The following SGCZ variants were observed in gnomAD, a reference collection of about 807,000 sequenced individuals.
SGCZ encodes zeta-sarcoglycan.
A neutral mutation model predicts 41.3 loss-of-function variants in SGCZ; 40 were observed. The observed-to-expected ratio is 0.97, with a 90% CI of 0.75 to 1.26. SGCZ has a LOEUF of 1.26. Ranked by LOEUF, SGCZ falls within the 50% of genes most tolerant of loss-of-function variation. The pLI is 0.00. For synonymous variants in SGCZ, 206 were observed against 137.5 expected (o/e 1.50, Z -3.49); for missense variants, 552 against 369.8 (o/e 1.49, Z -4.04).
At chr8:14,227,253 T>C (rs185942729) in intron 4 of SGCZ, among the ~76,000 whole-genome samples, 23 of 152,174 alleles carry the variant, frequency 1.5e-4, no homozygotes, top group African/African-American at 5.3e-4. Flanking sequence ...AATGTAAGAA[T>C]GCAAACAGTT....
At chr8:15,059,208 A>C (rs1267231581) in intron 1 of SGCZ, among the ~76,000 whole-genome samples, 1 of 152,160 alleles carries the variant, frequency 6.6e-6, no homozygotes, top group Non-Finnish European at 1.5e-5. Context: ...AATTTACAAA[A>C]TATTTTTATT....
At chr8:14,536,310 C>T (rs1037308288) in intron 2 of SGCZ, among the ~76,000 whole-genome samples, 15 of 151,646 alleles carry the variant, frequency 9.9e-5, no homozygotes, top group South Asian at 2.1e-4. Context: ...TATTAAATTA[C>T]GCTCAAAATT....
intron 3 of SGCZ, among the ~76,000 whole-genome samples, chr8:14,303,047 G>C (rs542197008): frequency 5.9e-5 from 9 of 152,204 alleles, no homozygotes; most frequent in African/African-American, 1.9e-4. Context: ...CATCTTACAA[G>C]ACCCAGGTCT....
chr8:14,972,171 A>T (rs1226893901), intron 1 of SGCZ, among the ~76,000 whole-genome samples: 2 of 152,088 alleles, frequency 1.3e-5, no homozygotes, highest in Non-Finnish European at 2.9e-5. Flanking sequence ...TGCCTTTCAA[A>T]TTTTTAAATT....
intron 1 of SGCZ, among the ~76,000 whole-genome samples, chr8:14,702,789 A>G (rs1287405116): frequency 7.0e-5 from 10 of 142,378 alleles, no homozygotes; most frequent in African/African-American, 1.5e-4. Flanking sequence ...AGACAGACAG[A>G]CAGGCAGACA....
At chr8:14,225,251 G>A (rs1165376291) in intron 4 of SGCZ, among the ~76,000 whole-genome samples, 5 of 152,024 alleles carry the variant, frequency 3.3e-5, no homozygotes, top group Non-Finnish European at 7.4e-5. Context: ...CCTATTTAAT[G>A]TTGTACCCCC....
In SGCZ at chr8:14,644,115, G is replaced by A. The variant is rs938094022; in HGVS notation, c.40-89189C>T. Among the ~76,000 whole-genome samples the A allele has an allele frequency of 4.6e-5, 7 of 151,804 alleles. No homozygotes were observed. In the Admixed American group the frequency reaches 4.6e-4, roughly 10 times the overall value. On this transcript the variant is annotated intron_variant, in intron 1 of 7. Transcript: ENST00000382080. ...ACCTATCAATATTTTCTTACCTATT[G>A]TGATGGTTAATGTTATTTCTCCACT...
At chr8:14,874,108 A>T (rs1025352508) in intron 1 of SGCZ, among the ~76,000 whole-genome samples, 2 of 152,166 alleles carry the variant, frequency 1.3e-5, no homozygotes, top group Middle Eastern at 3.2e-3. Flanking sequence ...TTATACTTTA[A>T]TTGAAACTGC....
At chr8:14,814,736 C>A (rs368168320) in intron 1 of SGCZ, among the ~76,000 whole-genome samples, 58 of 152,140 alleles carry the variant, frequency 3.8e-4, no homozygotes, top group African/African-American at 1.3e-3. Flanking sequence ...ATCACCAAAT[C>A]TCATCATTTC....
At chr8:14,490,418 A>G (rs1801809560) in intron 2 of SGCZ, among the ~76,000 whole-genome samples, 1 of 152,186 alleles carries the variant, frequency 6.6e-6, no homozygotes, top group Non-Finnish European at 1.5e-5. Context: ...TTTTCTGCCT[A>G]GGAAATACCA....
chr8:14,706,845 G>T (rs565614555), intron 1 of SGCZ, among the ~76,000 whole-genome samples: 1 of 151,848 alleles, frequency 6.6e-6, no homozygotes, highest in Non-Finnish European at 1.5e-5. Flanking sequence ...ACCAGCTGAC[G>T]GTTAGTTTGA....
At chr8:14,520,890 T>C (rs1055446011) in intron 2 of SGCZ, among the ~76,000 whole-genome samples, 20 of 152,190 alleles carry the variant, frequency 1.3e-4, no homozygotes, top group African/African-American at 4.6e-4. Context: ...ATCAACGTTA[T>C]ATAACAAGCA....
intron 5 of SGCZ, among the ~76,000 whole-genome samples, chr8:14,164,378 C>A (rs1804140920): frequency 1.3e-5 from 2 of 152,100 alleles, no homozygotes; most frequent in Non-Finnish European, 2.9e-5. Flanking sequence ...ACTTTTATGT[C>A]ATTGAGGCTG....
Position 14,396,323 on chromosome 8 carries a change from T to C in SGCZ, c.235-72119A>G, listed in dbSNP as rs138093183. 3.3e-5 allele frequency among the ~76,000 whole-genome samples: 5 copies of C among 150,898 alleles called. No individual in the cohort carries two copies. In the East Asian group the frequency reaches 9.7e-4, roughly 29 times the overall value. ...ATTCTTGTAATATTTCCCTTTATTG[T>C]TCTAACTTCTTATTGCCACTAATAT... On this transcript the variant is annotated intron_variant, in intron 2 of 7. Transcript: ENST00000382080.
At chr8:14,397,390 A>G (rs1798949016) in intron 2 of SGCZ, among the ~76,000 whole-genome samples, 1 of 152,136 alleles carries the variant, frequency 6.6e-6, no homozygotes, top group African/African-American at 2.4e-5. Context: ...GGTATTCACC[A>G]TTTAATAATT....
intron 1 of SGCZ, among the ~76,000 whole-genome samples, chr8:14,838,887 G>A (rs904643258): frequency 1.3e-5 from 2 of 152,108 alleles, no homozygotes; most frequent in South Asian, 2.1e-4. Context: ...AGCGGGAACA[G>A]GGTAACCAAA....
chr8:14,780,190 C>A (rs931714235), intron 1 of SGCZ, among the ~76,000 whole-genome samples: 1 of 151,866 alleles, frequency 6.6e-6, no homozygotes, highest in Non-Finnish European at 1.5e-5. Context: ...CTGGATAACA[C>A]GGTGAAACCC....
At chr8:15,005,797 C>T (rs2130918065) in intron 1 of SGCZ, among the ~76,000 whole-genome samples, 1 of 152,302 alleles carries the variant, frequency 6.6e-6, no homozygotes, top group Admixed American at 6.5e-5. Context: ...ATTATGCTGA[C>T]ACCAGTCTCC....
At chr8:15,022,687 A>G (rs1354494772) in intron 1 of SGCZ, among the ~76,000 whole-genome samples, 2 of 152,186 alleles carry the variant, frequency 1.3e-5, no homozygotes, top group African/African-American at 4.8e-5. Flanking sequence ...TCTTGATGAT[A>G]CAGGATCAGT....
Sources: gnomAD v4.1 joint callset for allele counts (sites outside exome capture counted in the v4.1 genomes callset) on GRCh38, gnomAD v4.1.1 for gene constraint, MANE v1.5 for transcripts, NCBI Gene and HGNC (gene_info 2026-07-23, HGNC 2026-07-21) for gene names.